Variants in PLCB1 observed in about 807,000 individuals in gnomAD.
PLCB1 encodes the protein 1-phosphatidylinositol 4,5-bisphosphate phosphodiesterase beta-1.
A neutral mutation model predicts 161.8 loss-of-function variants in PLCB1; 46 were observed. That is an observed-to-expected ratio of 0.28 (90% CI 0.22 to 0.36). PLCB1 has a LOEUF of 0.36. Among genes scored for constraint, PLCB1 ranks in the 10% least tolerant of loss-of-function variants. The probability of loss-of-function intolerance (pLI) is 1.00; values close to 1 mark genes in which losing one functional copy is unlikely to be tolerated. For synonymous variants in PLCB1, 517 were observed against 503.7 expected (o/e 1.03, Z -0.35); for missense variants, 1,016 against 1,472.5 (o/e 0.69, Z 5.07).
At chr20:8,432,790 G>A (rs1980110948) in intron 3 of PLCB1, among the ~76,000 whole-genome samples, 2 of 152,226 alleles carry the variant, frequency 1.3e-5, no homozygotes, top group Admixed American at 6.5e-5. Flanking sequence ...ACAAGGAGGA[G>A]AGAGATTGTT....
intron 2 of PLCB1, among the ~76,000 whole-genome samples, chr20:8,206,020 T>C (rs1268118960): frequency 2.6e-5 from 4 of 152,132 alleles, no homozygotes. Context: ...TGTTATGTAA[T>C]AGCATGGTTT....
chr20:8,736,445 A>G (rs1287276893), intron 19 of PLCB1, among the ~76,000 whole-genome samples: 1 of 152,176 alleles, frequency 6.6e-6, no homozygotes, highest in Non-Finnish European at 1.5e-5. Flanking sequence ...TCCTCCTACA[A>G]TACTGTGTCT....
At chr20:8,643,513 A>G (rs1439291883) in intron 4 of PLCB1, among the ~76,000 whole-genome samples, 1 of 152,100 alleles carries the variant, frequency 6.6e-6, no homozygotes, top group African/African-American at 2.4e-5. Context: ...TTCCATCTTG[A>G]ATGTTACTGT....
chr20:8,471,481 G>A (rs1982050796), intron 3 of PLCB1, among the ~76,000 whole-genome samples: 1 of 152,142 alleles, frequency 6.6e-6, no homozygotes, highest in South Asian at 2.1e-4. Flanking sequence ...AAGACTGGAT[G>A]AAACAGCAGC....
At position 8,644,714 on chromosome 20, in the gene PLCB1, GC is replaced by G. The variant is rs1201832635; in HGVS notation, c.385-1382del. On this transcript the variant is annotated intron_variant, in intron 4 of 31. Coordinates refer to ENST00000338037, the MANE Select transcript of PLCB1 (RefSeq NM_015192.4). ...GTCCGGGAGGGAGGTGGGGGGGTCA[GC>G]CCCCCGCCCTGCCAGCCGCCCCGCC... is the stretch of plus-strand genomic sequence containing the variant. Among the ~76,000 whole-genome samples, 6 of 151,148 alleles carry G rather than the reference GC, an allele frequency of 4.0e-5. No homozygotes were observed. In the South Asian group the frequency reaches 1.1e-3, roughly 27 times the overall value.
At chr20:8,520,380 A>C (rs965061423) in intron 3 of PLCB1, among the ~76,000 whole-genome samples, 11 of 152,156 alleles carry the variant, frequency 7.2e-5, no homozygotes, top group Non-Finnish European at 1.3e-4. Context: ...ATATCATAGA[A>C]ATCTATATAC....
intron 2 of PLCB1, among the ~76,000 whole-genome samples, chr20:8,165,117 G>C (rs2051662475): frequency 6.6e-6 from 1 of 152,150 alleles, no homozygotes; most frequent in South Asian, 2.1e-4. Flanking sequence ...TTCTAATCTG[G>C]GCTTTAACAT....
At chr20:8,134,590 A>G (rs6140546) in intron 1 of PLCB1, among the ~76,000 whole-genome samples, 83,311 of 151,856 alleles carry the variant, frequency 0.55, 23,022 homozygotes, top group East Asian at 0.7. Flanking sequence ...TGCCAATCCT[A>G]GACTGGATTC....
intron 4 of PLCB1, among the ~76,000 whole-genome samples, chr20:8,635,552 A>G (rs1304465428): frequency 1.3e-5 from 2 of 152,158 alleles, no homozygotes; most frequent in Non-Finnish European, 2.9e-5. Context: ...CCATTTTCCT[A>G]ATCTTTTTTC....
At chr20:8,226,136 G>A (rs1475932714) in intron 2 of PLCB1, among the ~76,000 whole-genome samples, 1 of 152,110 alleles carries the variant, frequency 6.6e-6, no homozygotes, top group African/African-American at 2.4e-5. Context: ...AAAATTAAGT[G>A]TCTTTTGCAG....
At chr20:8,187,765 C>G (rs1045995229) in intron 2 of PLCB1, among the ~76,000 whole-genome samples, 6 of 152,052 alleles carry the variant, frequency 3.9e-5, no homozygotes, top group Admixed American at 1.3e-4. Context: ...GCCAGCAATT[C>G]CTACTCCCCA....
intron 2 of PLCB1, among the ~76,000 whole-genome samples, chr20:8,255,879 T>G (rs1404140127): frequency 6.6e-6 from 1 of 152,110 alleles, no homozygotes; most frequent in African/African-American, 2.4e-5. Context: ...ACCACATATA[T>G]GATGGTGGTC....
intron 7 of PLCB1, 49 bp from the exon 8 acceptor site, chr20:8,657,135 C>G (rs145047916): frequency 3.0e-6 from 3 of 1,009,336 alleles, no homozygotes; most frequent in Admixed American, 3.4e-5. Flanking sequence ...AGGGAGGAAG[C>G]TGGGGAAGGA....
At chr20:8,230,191 T>C (rs1225713996) in intron 2 of PLCB1, among the ~76,000 whole-genome samples, 1 of 151,580 alleles carries the variant, frequency 6.6e-6, no homozygotes, top group Non-Finnish European at 1.5e-5. Context: ...GTAGAAGCCC[T>C]ACTCTGGGAT....
At chr20:8,649,524 T>C (rs1989254239) in intron 7 of PLCB1, 75 bp downstream of exon 7, 1 of 1,027,744 alleles carries the variant, frequency 9.7e-7, no homozygotes, top group African/African-American at 1.6e-5. Flanking sequence ...ATCCCCAATA[T>C]GACAGTTTTG....
At chr20:8,450,975 A>G (rs1487529144) in intron 3 of PLCB1, among the ~76,000 whole-genome samples, 1 of 152,248 alleles carries the variant, frequency 6.6e-6, no homozygotes, top group Non-Finnish European at 1.5e-5. Flanking sequence ...TGTATGCAGT[A>G]CCAGTGAAAA....
chr20:8,683,051 A>G (rs1485965153), intron 9 of PLCB1, among the ~76,000 whole-genome samples: 1 of 152,130 alleles, frequency 6.6e-6, no homozygotes, highest in Non-Finnish European at 1.5e-5. Flanking sequence ...ATAAAAATAT[A>G]GATAGTTGCA....
intron 2 of PLCB1, among the ~76,000 whole-genome samples, chr20:8,357,918 A>G (rs1472086137): frequency 7.1e-6 from 1 of 141,638 alleles, no homozygotes; most frequent in Non-Finnish European, 1.6e-5. Context: ...TGCCTTGACA[A>G]GGTAAAGTTC....
chr20:8,199,112 T>C (rs2052061813), intron 2 of PLCB1, among the ~76,000 whole-genome samples: 1 of 152,126 alleles, frequency 6.6e-6, no homozygotes, highest in Admixed American at 6.6e-5. Flanking sequence ...TAGTGTATAC[T>C]TGCTTTTAAT....
Sources: allele counts gnomAD v4.1 joint callset (sites outside exome capture counted in the v4.1 genomes callset), GRCh38; gene constraint gnomAD v4.1.1; transcripts MANE v1.5; gene names NCBI Gene and HGNC (gene_info 2026-07-23, HGNC 2026-07-21).